SPEF2: variants seen among roughly 807,000 people sequenced by gnomAD.
The protein encoded by SPEF2 is sperm flagellar and cilia associated 2.
In SPEF2, 187 loss-of-function variants were observed where a neutral mutation model predicts 224.6. The observed-to-expected ratio is 0.83, with a 90% CI of 0.74 to 0.94. The LOEUF (loss-of-function observed/expected upper bound fraction) is 0.94. SPEF2 is among the 40% of genes least tolerant of loss of function. The pLI, the probability that SPEF2 is intolerant of heterozygous loss-of-function variation, is 0.00. For missense variants in SPEF2, 2,170 were observed against 2,135.6 expected (o/e 1.02, Z -0.32); for synonymous variants, 715 against 707.3 (o/e 1.01, Z -0.17).
chr5:35,763,804 A>G (rs1272389098), intron 26 of SPEF2, 102 bp downstream of exon 26: 2 of 1,110,800 alleles, frequency 1.8e-6, no homozygotes, highest in African/African-American at 3.2e-5. Context: ...GCTCTCAAGC[A>G]CTGTAGAAAA....
chr5:35,784,595 CT>C (rs897981321), intron 30 of SPEF2, among the ~76,000 whole-genome samples: 31 of 152,184 alleles, frequency 2.0e-4, no homozygotes, highest in African/African-American at 6.0e-4. Flanking sequence ...AGCCCAGAGG[CT>C]TTTGAAACTG....
chr5:35,673,749 G>A (rs1034111026), intron 10 of SPEF2, among the ~76,000 whole-genome samples: 28 of 152,288 alleles, frequency 1.8e-4, no homozygotes, highest in African/African-American at 6.3e-4. Flanking sequence ...ACCCTACAGT[G>A]TGTGTTATAA....
Position 35,759,580 on chromosome 5 carries a change from C to A in SPEF2, c.3481C>A (p.Arg1161Ser), listed in dbSNP as rs927487455. ...FFSLMQAELN[R>S]FQDTKRLLQD... is the part of the protein sequence containing the mutation. Reference sequence around the variant, plus strand: ...TTTGCTATTAAAGGCAGAGCTGAACCGTTTCCAAGATACAAAGAGACTCCT... The same window carrying A: ...TTTGCTATTAAAGGCAGAGCTGAACAGTTTCCAAGATACAAAGAGACTCCT... Residue 1161 changes from arginine (R) to serine (S), a missense_variant, in exon 25 of 37, where the codon CGT becomes AGT. Coordinates refer to ENST00000356031, the MANE Select transcript of SPEF2 (RefSeq NM_024867.4). 4 of 1,590,932 alleles carry A rather than the reference C, an allele frequency of 2.5e-6. No homozygotes were observed. Among genetic ancestry groups the A allele is most frequent in the Non-Finnish European group, 3.4e-6 (4 of 1,164,362 alleles).
intron 30 of SPEF2, among the ~76,000 whole-genome samples, chr5:35,784,025 T>G (rs1754722654): frequency 1.3e-5 from 2 of 152,176 alleles, no homozygotes; most frequent in Non-Finnish European, 2.9e-5. Flanking sequence ...CTACACCCTC[T>G]CTTTTTCTTC....
At chr5:35,790,026 T>C (rs147285545) in intron 30 of SPEF2, 2 of 702,276 alleles carry the variant, frequency 2.8e-6, no homozygotes, top group Non-Finnish European at 2.6e-6. Context: ...CCCTCCTAGA[T>C]TTCAGAACAT....
intron 6 of SPEF2, among the ~76,000 whole-genome samples, chr5:35,651,273 A>G (rs867187775): frequency 6.6e-6 from 1 of 152,190 alleles, no homozygotes. Context: ...TTGGGGTTCT[A>G]TTTTGAGAGA....
rs1251968286 is a variant in SPEF2 at position 35,800,093 on chromosome 5, T to A, written c.4956T>A (p.Ala1652=). 6.2e-7 allele frequency: 1 copy of A among 1,614,192 alleles called. No homozygotes were observed. Among genetic ancestry groups the A allele is most frequent in the African/African-American group, 1.3e-5 (1 of 75,064 alleles). The change falls in exon 34 of 37, where the codon GCT becomes GCA. Residue 1652 remains alanine, a synonymous_variant. Transcript: ENST00000356031. ...GAGTCTACAGGGCCCTCAGTGTGGC[T>A]GTTGGAACTCATGTCTTCCAACAAG... The part of the protein sequence containing the change: ...VEGVYRALSV[A]VGTHVFQQVK...
intron 1 of SPEF2, among the ~76,000 whole-genome samples, chr5:35,620,245 G>A (rs1379425706): frequency 6.6e-6 from 1 of 152,128 alleles, no homozygotes; most frequent in East Asian, 1.9e-4. Context: ...GGAAGGCTTT[G>A]GATGGTTTGT....
chr5:35,661,257 TA>T (rs1749661967), intron 8 of SPEF2, among the ~76,000 whole-genome samples: 2 of 6,236 alleles, frequency 3.2e-4, no homozygotes, highest in Non-Finnish European at 4.9e-4. Context: ...GTATATATTA[TA>T]TATATATATA....
chr5:35,801,992 A>G (rs1036370472), intron 34 of SPEF2, among the ~76,000 whole-genome samples: 4 of 152,254 alleles, frequency 2.6e-5, no homozygotes, highest in African/African-American at 9.6e-5. Flanking sequence ...CCCGTGAGGA[A>G]CACAAAAGAA....
intron 30 of SPEF2, among the ~76,000 whole-genome samples, chr5:35,780,631 A>G (rs865797833): frequency 2.6e-5 from 4 of 152,284 alleles, no homozygotes; most frequent in Middle Eastern, 3.4e-3. Flanking sequence ...GAGCTCCACA[A>G]TGCCCTGTTA....
In SPEF2 at chr5:35,808,425, G is replaced by A. The variant is rs1758319721; in HGVS notation, c.5379+1172G>A. ...TTCCCCCACCCCATGACAGGCCCCA[G>A]TGTATGATGTTCACCTTCTTGTGTC... On this transcript the variant is annotated intron_variant, in intron 36 of 36. Coordinates refer to ENST00000356031, the MANE Select transcript of SPEF2 (RefSeq NM_024867.4). Among the ~76,000 whole-genome samples the A allele has an allele frequency of 2.0e-5, 3 of 151,894 alleles. No individual in the cohort carries two copies. The South Asian group carries it at 6.2e-4, about 31-fold the overall frequency.
chr5:35,785,978 G>T (rs1434139001), intron 30 of SPEF2, among the ~76,000 whole-genome samples: 1 of 151,958 alleles, frequency 6.6e-6, no homozygotes, highest in East Asian at 1.9e-4. Context: ...TAACCCTCAC[G>T]CTGACTCACA....
In SPEF2 at chr5:35,641,625, C is replaced by T; in HGVS notation, c.356C>T (p.Thr119Ile). 1.2e-6 allele frequency: 2 copies of T among 1,613,482 alleles called. No homozygotes were observed. Among genetic ancestry groups the T allele is most frequent in the Non-Finnish European group, 1.7e-6 (2 of 1,179,698 alleles). ...GGACTGACTGGAGTGGAGATGCAAA[C>T]CATGCAACGTCTGACAAATTTAAGA... is the stretch of plus-strand genomic sequence containing the variant. ...KSGLTGVEMQTMQRLTNLRLQ... is the reference protein window; with the variant it reads ...KSGLTGVEMQIMQRLTNLRLQ... The change falls in exon 3 of 37, where the codon ACC (threonine) becomes ATC (isoleucine). Residue 119 changes from threonine (T) to isoleucine (I), a missense_variant. Transcript: ENST00000356031.
At chr5:35,745,550 C>G (rs945016495) in intron 23 of SPEF2, among the ~76,000 whole-genome samples, 53 of 27,866 alleles carry the variant, frequency 1.9e-3, no homozygotes, top group African/African-American at 4.3e-3. Flanking sequence ...GCCAGCTTTC[C>G]CCCACTTCCC....
At chr5:35,774,056 G>A in intron 28 of SPEF2, 35 bp downstream of exon 28, 2 of 1,600,650 alleles carry the variant, frequency 1.2e-6, no homozygotes, top group East Asian at 2.2e-5. Flanking sequence ...ATGCTTTTCA[G>A]TAGAAAGGAG....
Position 35,751,066 on chromosome 5 carries a change from T to TACGTGTATATATATACGTATATATATAC in SPEF2, c.3331-2558_3331-2557insACGTGTATATATATACGTATATATATAC. On this transcript the variant is annotated intron_variant, in intron 23 of 36. Transcript: ENST00000356031. ...ATGTATATATATATACGTATATATA[T>TACGTGTATATATATACGTATATATATAC]GTATATATATATACACACACACACA... 6.1e-5 allele frequency among the ~76,000 whole-genome samples: 2 copies of TACGTGTATATATATACGTATATATATAC among 32,538 alleles called. 1 individual carries two copies. The highest frequency in any genetic ancestry group is 3.6e-3 in the South Asian group (2 of 562). The allele number at this position is 32,538 out of a possible 152,430, so 21.3% of individuals were successfully genotyped here. A position where few individuals can be genotyped will look rare whatever the true frequency, so the allele number is the denominator to read the frequency against.
At chr5:35,792,509 T>C (rs536093240) in intron 31 of SPEF2, 63 bp downstream of exon 31, 7 of 1,360,278 alleles carry the variant, frequency 5.1e-6, no homozygotes, top group Non-Finnish European at 7.3e-6. Context: ...AATGCATCAA[T>C]AGTTCTAAAA....
intron 21 of SPEF2, among the ~76,000 whole-genome samples, chr5:35,736,028 A>G (rs888930691): frequency 1.4e-4 from 21 of 152,210 alleles, no homozygotes; most frequent in Non-Finnish European, 2.5e-4. Context: ...GAGGACTTCA[A>G]AAGGCTTGTG....
Sources: allele counts gnomAD v4.1 joint callset (sites outside exome capture counted in the v4.1 genomes callset), GRCh38; gene constraint gnomAD v4.1.1; transcripts MANE v1.5; gene names NCBI Gene and HGNC (gene_info 2026-07-23, HGNC 2026-07-21).